Variants in NFKBID observed in about 807,000 individuals in gnomAD.
NFKBID encodes the protein NF-kappa-B inhibitor delta.
A neutral mutation model predicts 53.4 loss-of-function variants in NFKBID; 26 were observed. The observed-to-expected ratio is 0.49, with a 90% CI of 0.36 to 0.68. NFKBID has a LOEUF of 0.68. NFKBID is among the 30% of genes least tolerant of loss of function. The pLI is 0.00. For missense variants in NFKBID, 493 were observed against 614.1 expected (o/e 0.80, Z 2.08); for synonymous variants, 262 against 259.8 (o/e 1.01, Z -0.08).
intron 1 of NFKBID, among the ~76,000 whole-genome samples, chr19:35,899,371 G>A (rs939253119): frequency 6.6e-6 from 1 of 151,888 alleles, no homozygotes; most frequent in Admixed American, 6.6e-5. Context: ...CCTGAGGTCA[G>A]GTGGCCAACA....
intron 11 of NFKBID, 145 bp downstream of exon 11, chr19:35,889,745 A>G: frequency 1.3e-6 from 1 of 797,466 alleles, no homozygotes; most frequent in South Asian, 1.7e-5. Flanking sequence ...AGGTCACATT[A>G]TAGAGTCAGG....
chr19:35,889,289 G>C (rs1292913184), intron 11 of NFKBID, among the ~76,000 whole-genome samples: 1 of 151,946 alleles, frequency 6.6e-6, no homozygotes, highest in Non-Finnish European at 1.5e-5. Flanking sequence ...CCAGGAGCTC[G>C]AGGCTGCAGT....
At chr19:35,892,168 C>T (rs1233375396) in intron 9 of NFKBID, among the ~76,000 whole-genome samples, 2 of 151,922 alleles carry the variant, frequency 1.3e-5, no homozygotes, top group African/African-American at 2.4e-5. Flanking sequence ...CCTCCCACCT[C>T]AGCCTCCTGA....
intron 9 of NFKBID, among the ~76,000 whole-genome samples, chr19:35,895,497 A>AAAAC (rs139455182): frequency 6.7e-6 from 1 of 150,370 alleles, no homozygotes; most frequent in Admixed American, 6.6e-5. Context: ...CAAAAACAAA[A>AAAAC]AAACAAACAA....
chr19:35,901,205 T>G, upstream of NFKBID, among the ~76,000 whole-genome samples: 1 of 146,498 alleles, frequency 6.8e-6, no homozygotes, highest in African/African-American at 2.6e-5. Context: ...CCCATGGGGG[T>G]AGGGGTAGGA....
chr19:35,890,758 G>C (rs1974712123), intron 9 of NFKBID: 1 of 437,462 alleles, frequency 2.3e-6, no homozygotes, highest in African/African-American at 2.0e-5. Context: ...CAGCTGCTTG[G>C]GAGGCTGAGG....
intron 1 of NFKBID, 59 bp from the exon 2 acceptor site, chr19:35,898,881 GGGGGTGGCGCGCGGGGAGT>G: frequency 1.5e-6 from 2 of 1,363,698 alleles, no homozygotes; most frequent in Non-Finnish European, 2.0e-6. Flanking sequence ...TAAATGCCGC[GGGGGTGGCGCGCGGGGAGT>G]GGGTTTGGGC....
In NFKBID at chr19:35,900,467, C is replaced by A. The variant is rs567838062; in HGVS notation, c.36G>T (p.Pro12=). 94 of 1,231,918 alleles carry A rather than the reference C, an allele frequency of 7.6e-5. No individual in the cohort carries two copies. In the East Asian group the frequency reaches 2.9e-3, roughly 38 times the overall value. The allele number at this position is 1,231,918 out of a possible 1,614,324, so 76.3% of individuals were successfully genotyped here. The change falls in exon 1 of 12, where the codon CCG becomes CCT. Residue 12 remains proline, a synonymous_variant. Coordinates refer to ENST00000641389, the Ensembl canonical transcript of NFKBID. ...CTCGGGGATTCCGTGGCGTGGATTG[C>A]GGGCCCCCAGGGCCGCGGCCTCGGC...
At chr19:35,900,827 C>CTTTTCTTTTTTT (rs1975530207), upstream of NFKBID, among the ~76,000 whole-genome samples, 1 of 107,606 alleles carries the variant, frequency 9.3e-6, no homozygotes, top group Admixed American at 1.0e-4. Flanking sequence ...TTTTTCTTTT[C>CTTTTCTTTTTTT]TTTTTTTTTT....
intron 1 of NFKBID, among the ~76,000 whole-genome samples, 193 bp downstream of exon 1, chr19:35,900,249 A>T (rs907750294): frequency 6.6e-6 from 1 of 151,202 alleles, no homozygotes; most frequent in African/African-American, 2.4e-5. Flanking sequence ...CACCCCCAGG[A>T]CCCAGAAGTC....
Position 35,896,584 on chromosome 19 carries a change from G to A in NFKBID, c.685-46C>T, listed in dbSNP as rs376901438. The A allele has an allele frequency of 2.4e-5, 38 of 1,604,902 alleles. No homozygotes were observed. The highest frequency in any genetic ancestry group is 6.7e-5 in the East Asian group (3 of 44,804). On this transcript the variant is annotated intron_variant, in intron 6 of 11. Coordinates refer to ENST00000641389, the Ensembl canonical transcript of NFKBID. The surrounding 1 kb of genome is among the most constrained non-coding windows in gnomAD (Gnocchi z 5.7). ...CAGGTTGGGCTCCTGGTTCCCTCCC[G>A]TCAGAAAACCAGGCTCCCAGCCCCA...
chr19:35,897,318 A>G (rs1324125944), intron 4 of NFKBID, among the ~76,000 whole-genome samples: 1 of 151,720 alleles, frequency 6.6e-6, no homozygotes, highest in Non-Finnish European at 1.5e-5. Context: ...GCAGCAGTGC[A>G]ATCTCTACTC....
At chr19:35,890,424 G>A (rs998677961) in exon 10 of NFKBID, 3 of 1,613,944 alleles carry the variant, frequency 1.9e-6, no homozygotes, top group African/African-American at 2.7e-5. Context: ...TCCAGCAGCA[G>A]CTGAACCAGA....
chr19:35,901,328 G>A (rs961652429), upstream of NFKBID, among the ~76,000 whole-genome samples: 3 of 152,052 alleles, frequency 2.0e-5, no homozygotes, highest in Non-Finnish European at 4.4e-5. Context: ...TATAGGGTGT[G>A]GCTCAATTTC....
At chr19:35,898,160 G>T (rs553357171) in intron 3 of NFKBID, among the ~76,000 whole-genome samples, 83 of 152,102 alleles carry the variant, frequency 5.5e-4, no homozygotes, top group African/African-American at 2.0e-3. Flanking sequence ...ACCAGCCTAG[G>T]CAACATAGCC....
chr19:35,889,965 C>T, exon 11 of NFKBID: 1 of 1,611,890 alleles, frequency 6.2e-7, no homozygotes, highest in Non-Finnish European at 8.5e-7. Context: ...TGGGGTCCGC[C>T]CCAGCTGCCA....
intron 9 of NFKBID, among the ~76,000 whole-genome samples, chr19:35,893,172 AAAAC>A (rs1281510371): frequency 2.0e-5 from 3 of 152,184 alleles, no homozygotes; most frequent in Non-Finnish European, 2.9e-5. Context: ...CTGTCTCTAA[AAAAC>A]AAACAAACAA....
Position 35,896,033 on chromosome 19 carries a change from T to C in NFKBID, c.979A>G (p.Arg327Gly). 1 of 1,614,202 alleles carries C rather than the reference T, an allele frequency of 6.2e-7. No homozygotes were observed. ...AGCAACATGTGGACACAATCCAGCC[T>C]GTCTCGGGCCTGTGTGCTCAGCACC... Residue 327 changes from arginine to glycine, a missense_variant, in exon 9 of 12, where the codon AGG becomes GGG. Around this residue, in one of 2 missense-constraint regions of NFKBID, gnomAD observed 267 missense variants for 384.6 expected, o/e 0.69. Coordinates refer to ENST00000641389, the Ensembl canonical transcript of NFKBID. This position sits in a 1 kb window ranked among gnomAD's most constrained non-coding sequence, Gnocchi z 5.7.
At chr19:35,894,962 C>T (rs1321828665) in intron 9 of NFKBID, among the ~76,000 whole-genome samples, 1 of 151,616 alleles carries the variant, frequency 6.6e-6, no homozygotes, top group East Asian at 1.9e-4. Flanking sequence ...CATTGCACTC[C>T]AGCCTGGGCA....
Sources: gnomAD v4.1 joint callset for allele counts (sites outside exome capture counted in the v4.1 genomes callset) on GRCh38, gnomAD v4.1.1 for gene constraint, gnomAD v4.1.1 regional missense constraint, Gnocchi (gnomAD v3.1) non-coding constraint, MANE v1.5 for transcripts, NCBI Gene and HGNC (gene_info 2026-07-23, HGNC 2026-07-21) for gene names.